AGBL1: variants seen among roughly 807,000 people sequenced by gnomAD.
AGBL1 encodes the protein cytosolic carboxypeptidase 4.
A neutral mutation model predicts 118.9 loss-of-function variants in AGBL1; 130 were observed. The ratio of observed to expected loss-of-function variants is 1.09; its 90% CI spans 0.95 to 1.26. AGBL1 has a LOEUF of 1.26. Ranked by LOEUF, AGBL1 falls within the 50% of genes most tolerant of loss-of-function variation. AGBL1 has a pLI of 0.00. For missense variants in AGBL1, 1,584 were observed against 1,298.1 expected (o/e 1.22, Z -3.38); for synonymous variants, 555 against 478.9 (o/e 1.16, Z -2.08).
chr15:86,417,608 C>T (rs2081714264), intron 18 of AGBL1, among the ~76,000 whole-genome samples: 1 of 152,156 alleles, frequency 6.6e-6, no homozygotes, highest in African/African-American at 2.4e-5. Context: ...CATACAGATG[C>T]CCAGAGAAAG....
intron 17 of AGBL1, among the ~76,000 whole-genome samples, chr15:86,375,087 A>C (rs4583204): frequency 0.61 from 92,979 of 152,074 alleles, 29,475 homozygotes; most frequent in East Asian, 0.93. Flanking sequence ...TCTTCCCTTG[A>C]CTTTTGGTCA....
intron 10 of AGBL1, 65 bp from the exon 11 acceptor site, chr15:86,264,193 G>T: frequency 7.7e-7 from 1 of 1,306,526 alleles, no homozygotes. Context: ...TAAGGACAGG[G>T]ATCAAATTGT....
chr15:86,692,776 G>T (rs1158784453), intron 22 of AGBL1, among the ~76,000 whole-genome samples: 2 of 152,044 alleles, frequency 1.3e-5, no homozygotes. Flanking sequence ...CATTTCTCCT[G>T]ATTCCCCAAA....
At position 86,134,916 on chromosome 15, in the gene AGBL1, G is replaced by A. The variant is rs572357310; in HGVS notation, c.52-7088G>A. On this transcript the variant is annotated intron_variant, in intron 1 of 22. Coordinates refer to ENST00000614907, the MANE Select transcript of AGBL1 (RefSeq NM_001386094.1). ...GTGTAAGCCACTGTGCCAGCCAATG[G>A]TGCCTATTTTTTTTTTTAACAGTGT... 1.8e-3 allele frequency among the ~76,000 whole-genome samples: 241 copies of A among 133,196 alleles called. 4 individuals carry two copies. The South Asian group carries it at 0.057, about 32-fold the overall frequency. The allele number at this position is 133,196 out of a possible 152,430, so 87.4% of individuals were successfully genotyped here. A position where few individuals can be genotyped will look rare whatever the true frequency, so the allele number is the denominator to read the frequency against.
At chr15:86,964,180 G>A (rs540210130) in intron 23 of AGBL1, among the ~76,000 whole-genome samples, 4 of 151,894 alleles carry the variant, frequency 2.6e-5, no homozygotes, top group African/African-American at 9.7e-5. Context: ...ACCAAACCTG[G>A]TTCTGCCTGA....
chr15:86,474,604 C>T (rs1302125101), intron 18 of AGBL1, among the ~76,000 whole-genome samples: 2 of 152,234 alleles, frequency 1.3e-5, no homozygotes, highest in Non-Finnish European at 2.9e-5. Context: ...GAGCCCACTG[C>T]AGCTCAAGGA....
intron 24 of AGBL1, among the ~76,000 whole-genome samples, chr15:86,992,591 C>T (rs889954472): frequency 2.6e-5 from 4 of 152,126 alleles, no homozygotes; most frequent in Admixed American, 6.6e-5. Context: ...CTGCACTTAG[C>T]GGAAGTGTCA....
At chr15:86,385,878 C>T (rs1447516891) in intron 17 of AGBL1, among the ~76,000 whole-genome samples, 27 of 151,806 alleles carry the variant, frequency 1.8e-4, no homozygotes, top group Admixed American at 1.8e-3. Context: ...AACTGGTTTT[C>T]CTATCTGACT....
Position 86,596,727 on chromosome 15 carries a change from G to A in AGBL1, c.2994+42190G>A, listed in dbSNP as rs998307132. 8.5e-5 allele frequency among the ~76,000 whole-genome samples: 13 copies of A among 152,262 alleles called. No individual in the cohort carries two copies. In the East Asian group the frequency reaches 2.1e-3, roughly 25 times the overall value. On this transcript the variant is annotated intron_variant, in intron 21 of 22. Transcript: ENST00000614907. ...TAAATATCTTACCTTCACCTTCAGAGTTTCTAAATCCTACCTTGACTGTTC... is the reference window on the plus strand; with the variant it reads ...TAAATATCTTACCTTCACCTTCAGAATTTCTAAATCCTACCTTGACTGTTC...
chr15:86,825,127 A>G (rs1239750766), intron 22 of AGBL1, among the ~76,000 whole-genome samples: 1 of 151,994 alleles, frequency 6.6e-6, no homozygotes, highest in East Asian at 1.9e-4. Context: ...CTACGCAAAT[A>G]TATTCAAAAG....
intron 17 of AGBL1, among the ~76,000 whole-genome samples, chr15:86,320,016 CA>C (rs1206214546): frequency 6.6e-6 from 1 of 152,100 alleles, no homozygotes; most frequent in Non-Finnish European, 1.5e-5. Context: ...CTTGGCCTCC[CA>C]AAGTGCTGGG....
intron 18 of AGBL1, among the ~76,000 whole-genome samples, chr15:86,418,727 G>A (rs927288615): frequency 3.3e-5 from 5 of 152,138 alleles, no homozygotes; most frequent in Admixed American, 1.3e-4. Flanking sequence ...TCCTGACTTA[G>A]GATGATTCAG....
intron 23 of AGBL1, among the ~76,000 whole-genome samples, chr15:86,948,223 G>A (rs2080845701): frequency 6.6e-6 from 1 of 152,048 alleles, no homozygotes. Context: ...GCTGCAGACT[G>A]ATAAAGAGAT....
rs73445642 is a variant in AGBL1 at position 86,186,788 on chromosome 15, T to A, written c.488+27762T>A. ...TTATGTACATTCTCTTATTTAATTTTCACATCACTGTGAAGTTGGCTTTTA... is the reference window on the plus strand; with the variant it reads ...TTATGTACATTCTCTTATTTAATTTACACATCACTGTGAAGTTGGCTTTTA... On this transcript the variant is annotated intron_variant, in intron 5 of 22. Transcript: ENST00000614907. Among the ~76,000 whole-genome samples, 526 of 152,308 alleles carry A rather than the reference T, an allele frequency of 3.5e-3. 3 individuals are homozygous for A. The highest frequency in any genetic ancestry group is 0.012 in the African/African-American group (506 of 41,574).
chr15:86,340,897 G>T (rs2141881373), intron 17 of AGBL1, among the ~76,000 whole-genome samples: 1 of 152,252 alleles, frequency 6.6e-6, no homozygotes, highest in African/African-American at 2.4e-5. Flanking sequence ...CACTCTGACT[G>T]GGAGGGCAAG....
chr15:86,952,188 G>A (rs1279613124), intron 23 of AGBL1, among the ~76,000 whole-genome samples: 3 of 151,298 alleles, frequency 2.0e-5, no homozygotes, highest in Admixed American at 6.6e-5. Context: ...CCGAGATCAC[G>A]CTGCTGCACT....
At chr15:86,385,582 G>A (rs1475174638) in intron 17 of AGBL1, among the ~76,000 whole-genome samples, 1 of 152,198 alleles carries the variant, frequency 6.6e-6, no homozygotes, top group Non-Finnish European at 1.5e-5. Context: ...TTTCCCATGG[G>A]GAAAGTGGGA....
At chr15:86,777,770 CTGTT>C (rs568282231) in intron 22 of AGBL1, among the ~76,000 whole-genome samples, 16 of 152,244 alleles carry the variant, frequency 1.1e-4, no homozygotes, top group Admixed American at 5.2e-4. Context: ...GTTACCTCTT[CTGTT>C]TTTTTCTTTT....
intron 24 of AGBL1, among the ~76,000 whole-genome samples, chr15:87,002,884 A>T (rs1394348491): frequency 6.6e-6 from 1 of 152,188 alleles, no homozygotes. Flanking sequence ...TTGGGCTGAG[A>T]CAATGGGGTT....
Sources: gnomAD v4.1 joint callset for allele counts (sites outside exome capture counted in the v4.1 genomes callset) on GRCh38, gnomAD v4.1.1 for gene constraint, MANE v1.5 for transcripts, NCBI Gene and HGNC (gene_info 2026-07-23, HGNC 2026-07-21) for gene names.